COMMD1: variants seen among roughly 807,000 people sequenced by gnomAD.
COMMD1 encodes the protein COMM domain-containing protein 1.
In COMMD1, 10 loss-of-function variants were observed where a neutral mutation model predicts 17.2. The observed-to-expected ratio is 0.58, with a 90% confidence interval of 0.36 to 0.99. The LOEUF (loss-of-function observed/expected upper bound fraction) is 0.99, where lower values mean the gene tolerates loss of function less well. Among genes scored for constraint, COMMD1 ranks in the 50% least tolerant of loss-of-function variants. COMMD1 has a pLI of 0.01. For synonymous variants in COMMD1, 97 were observed against 91.6 expected, an observed-to-expected ratio of 1.06 and a Z score of -0.34; for missense variants, 270 against 231.8, an observed-to-expected ratio of 1.17 and a Z score of -1.07.
intron 2 of COMMD1, among the ~76,000 whole-genome samples, chr2:62,078,920 T>C (rs1671437856): frequency 6.6e-6 from 1 of 152,072 alleles, no homozygotes; most frequent in South Asian, 2.1e-4. Flanking sequence ...AAGTTTTTAT[T>C]TGCAGAGGAA....
At chr2:61,898,229 A>C (rs1329478370) in intron 1 of COMMD1, among the ~76,000 whole-genome samples, 1 of 152,192 alleles carries the variant, frequency 6.6e-6, no homozygotes, top group Non-Finnish European at 1.5e-5. Flanking sequence ...TAATCACAGC[A>C]GTTTGGGAGG....
chr2:61,897,493 A>C (rs868476745), intron 1 of COMMD1, among the ~76,000 whole-genome samples: 5 of 152,354 alleles, frequency 3.3e-5, no homozygotes, highest in African/African-American at 1.2e-4. Flanking sequence ...AAGTATAAAA[A>C]TTGGCATTAC....
At chr2:62,074,954 A>G (rs1353052673) in intron 2 of COMMD1, among the ~76,000 whole-genome samples, 2 of 149,334 alleles carry the variant, frequency 1.3e-5, no homozygotes, top group Admixed American at 6.7e-5. Flanking sequence ...CAATGGCGCA[A>G]TCTCGGCTCA....
intron 2 of COMMD1, among the ~76,000 whole-genome samples, chr2:62,023,237 A>C (rs1573082808): frequency 6.6e-6 from 1 of 152,282 alleles, no homozygotes; most frequent in Non-Finnish European, 1.5e-5. Context: ...AAAAAAAAAA[A>C]AAAGCATGAG....
intron 1 of COMMD1, among the ~76,000 whole-genome samples, chr2:61,971,131 T>C (rs187757343): frequency 6.6e-6 from 1 of 152,354 alleles, no homozygotes; most frequent in African/African-American, 2.4e-5. Context: ...GGGATAGCGC[T>C]CAAAATCCTA....
chr2:61,927,331 C>T (rs947563933), intron 1 of COMMD1, among the ~76,000 whole-genome samples: 1 of 152,180 alleles, frequency 6.6e-6, no homozygotes, highest in Non-Finnish European at 1.5e-5. Flanking sequence ...TTTGGAAGGT[C>T]AGATAACAAC....
At chr2:62,115,346 A>C (rs2104056707) in intron 2 of COMMD1, among the ~76,000 whole-genome samples, 1 of 152,342 alleles carries the variant, frequency 6.6e-6, no homozygotes, top group Non-Finnish European at 1.5e-5. Flanking sequence ...AAGATCATTA[A>C]ATTTTCCACT....
intron 2 of COMMD1, among the ~76,000 whole-genome samples, chr2:62,044,837 TAAAAAA>T (rs542859899): frequency 8.7e-4 from 102 of 117,040 alleles, no homozygotes; most frequent in Non-Finnish European, 1.6e-3. Context: ...GCTCCTAACT[TAAAAAA>T]AAAAAAAAAA....
At chr2:62,128,084 T>TC (rs922023518) in intron 2 of COMMD1, among the ~76,000 whole-genome samples, 1 of 151,124 alleles carries the variant, frequency 6.6e-6, no homozygotes, top group Non-Finnish European at 1.5e-5. Flanking sequence ...TCCCAGCACT[T>TC]TGGGAGGCTG....
In COMMD1 at chr2:62,057,743, T is replaced by C. The variant is rs184891886; in HGVS notation, c.462+56761T>C. 4.5e-3 allele frequency among the ~76,000 whole-genome samples: 677 copies of C among 151,914 alleles called. 3 individuals are homozygous for C. Among genetic ancestry groups the C allele is most frequent in the Non-Finnish European group, 7.2e-3 (488 of 67,920 alleles). On this transcript the variant is annotated intron_variant, in intron 2 of 2. Coordinates refer to ENST00000311832, the MANE Select transcript of COMMD1 (RefSeq NM_152516.4). The stretch of plus-strand genomic sequence containing the variant: ...CACCACCATACCTGGCTAATTTTTT[T>C]TTTTTCTCTGTAGAGGCACATTCTC...
intron 2 of COMMD1, among the ~76,000 whole-genome samples, chr2:62,082,879 T>C (rs1048960839): frequency 1.1e-4 from 16 of 152,198 alleles, no homozygotes; most frequent in Admixed American, 7.9e-4. Context: ...GAAAACCATA[T>C]ACAGTAAAAA....
intron 1 of COMMD1, among the ~76,000 whole-genome samples, chr2:61,963,260 T>C (rs1558538996): frequency 1.3e-5 from 2 of 151,864 alleles, no homozygotes; most frequent in Admixed American, 6.6e-5. Context: ...CATATATATT[T>C]GTAAGTATAG....
At chr2:61,973,668 A>G (rs532811687) in intron 1 of COMMD1, among the ~76,000 whole-genome samples, 1 of 152,308 alleles carries the variant, frequency 6.6e-6, no homozygotes, top group East Asian at 1.9e-4. Flanking sequence ...GTATGTCAGT[A>G]TGTAATAGTA....
chr2:61,901,127 A>G (rs1642202572), upstream of COMMD1, among the ~76,000 whole-genome samples: 1 of 151,796 alleles, frequency 6.6e-6, no homozygotes, highest in Admixed American at 6.6e-5. Context: ...TTGTATCTTT[A>G]GTAGAGACAG....
intron 1 of COMMD1, among the ~76,000 whole-genome samples, chr2:61,893,097 C>A (rs540162739): frequency 6.6e-6 from 1 of 152,104 alleles, no homozygotes; most frequent in South Asian, 2.1e-4. Context: ...GAACTCCCGA[C>A]CACAGGTGAT....
intron 2 of COMMD1, among the ~76,000 whole-genome samples, chr2:62,105,649 C>A (rs1161203782): frequency 6.6e-6 from 1 of 152,154 alleles, no homozygotes; most frequent in Non-Finnish European, 1.5e-5. Flanking sequence ...CATGGCAAAC[C>A]CCCGTGTCTA....
intron 2 of COMMD1, among the ~76,000 whole-genome samples, chr2:62,045,537 T>C (rs191656329): frequency 3.3e-5 from 5 of 151,854 alleles, no homozygotes; most frequent in Admixed American, 3.3e-4. Flanking sequence ...GAGGGACTAT[T>C]ATCATGCTTA....
At chr2:61,888,798 T>G (rs890817809) in exon 1 of COMMD1, 1 of 463,058 alleles carries the variant, frequency 2.2e-6, no homozygotes, top group African/African-American at 2.1e-5. Flanking sequence ...CGGGGGAACC[T>G]TTACGCGAGG....
chr2:61,942,433 A>G (rs1186054396), intron 1 of COMMD1, among the ~76,000 whole-genome samples: 3 of 149,670 alleles, frequency 2.0e-5, no homozygotes, highest in Admixed American at 6.7e-5. Context: ...TATTTTTGAG[A>G]CAGAGTCTTT....
Sources: gnomAD v4.1 joint callset for allele counts (sites outside exome capture counted in the v4.1 genomes callset) on GRCh38, gnomAD v4.1.1 for gene constraint, MANE v1.5 for transcripts, NCBI Gene and HGNC (gene_info 2026-07-23, HGNC 2026-07-21) for gene names.